The following PKIB variants were observed in gnomAD, a reference collection of about 807,000 sequenced individuals.
The protein encoded by PKIB is cAMP-dependent protein kinase inhibitor beta.
Under a neutral mutation model 4.5 loss-of-function variants are expected in PKIB, and 2 were observed. The observed-to-expected ratio is 0.44, with a 90% CI of 0.18 to 1.39. The LOEUF (loss-of-function observed/expected upper bound fraction) is 1.39, where lower values mean the gene tolerates loss of function less well. PKIB is among the 40% of genes most tolerant of loss of function. The pLI is 0.27. For synonymous variants in PKIB, 38 were observed against 36.0 expected (o/e 1.06, Z -0.20); for missense variants, 94 against 92.6 (o/e 1.02, Z -0.06).
At chr6:122,630,064 T>A (rs1376116305) in intron 1 of PKIB, among the ~76,000 whole-genome samples, 1 of 152,160 alleles carries the variant, frequency 6.6e-6, no homozygotes, top group East Asian at 1.9e-4. Flanking sequence ...TATGGAACAG[T>A]ATAAGAACTT....
chr6:122,713,477 C>A (rs1021424601), intron 3 of PKIB, among the ~76,000 whole-genome samples: 1 of 152,142 alleles, frequency 6.6e-6, no homozygotes, highest in African/African-American at 2.4e-5. Flanking sequence ...TTATAATTAT[C>A]ACAAGCCATT....
intron 2 of PKIB, among the ~76,000 whole-genome samples, chr6:122,517,536 C>T (rs904717723): frequency 6.6e-6 from 1 of 152,176 alleles, no homozygotes. Context: ...TGGTCTTTCT[C>T]ATAATTATTC....
intron 1 of PKIB, among the ~76,000 whole-genome samples, chr6:122,472,723 C>G (rs560632042): frequency 6.6e-6 from 1 of 152,318 alleles, no homozygotes; most frequent in African/African-American, 2.4e-5. Flanking sequence ...ATCCCTACTC[C>G]TAGTTATTGT....
At chr6:122,685,756 AT>A (rs1778068922) in intron 3 of PKIB, among the ~76,000 whole-genome samples, 1 of 151,858 alleles carries the variant, frequency 6.6e-6, no homozygotes, top group South Asian at 2.1e-4. Context: ...TTCTTTCTAT[AT>A]TTTTTTGTAC....
intron 3 of PKIB, among the ~76,000 whole-genome samples, chr6:122,675,808 G>A (rs778868706): frequency 1.4e-4 from 22 of 151,974 alleles, no homozygotes; most frequent in Admixed American, 4.6e-4. Context: ...AAAAAATTAT[G>A]TTTTTTTCCC....
intron 3 of PKIB, among the ~76,000 whole-genome samples, chr6:122,588,666 T>G (rs1022443673): frequency 5.9e-5 from 9 of 152,184 alleles, no homozygotes; most frequent in Non-Finnish European, 1.3e-4. Flanking sequence ...AATATCTGTT[T>G]ACACATTGCT....
rs1223105325 is a variant in PKIB at position 122,597,370 on chromosome 6, G to T, written c.-161+11363G>T. Among the ~76,000 whole-genome samples the T allele has an allele frequency of 2.0e-5, 3 of 152,232 alleles. No individual in the cohort carries two copies. In the East Asian group the frequency reaches 5.8e-4, roughly 29 times the overall value. On this transcript the variant is annotated intron_variant, in intron 3 of 6. Coordinates refer to the PKIB transcript ENST00000392491. ...AGCTGAAGGCAAATCACTTCTGTTGGACCTTATGGACAGGAATGGAGAAAA... is the reference window on the plus strand; with the variant it reads ...AGCTGAAGGCAAATCACTTCTGTTGTACCTTATGGACAGGAATGGAGAAAA...
chr6:122,671,020 G>A (rs916893515), intron 2 of PKIB, among the ~76,000 whole-genome samples: 2 of 152,158 alleles, frequency 1.3e-5, no homozygotes, highest in Non-Finnish European at 2.9e-5. Flanking sequence ...GAGGCCAGGC[G>A]CGGTGGCTCA....
chr6:122,582,582 G>C (rs951748362), intron 2 of PKIB, among the ~76,000 whole-genome samples: 5 of 152,068 alleles, frequency 3.3e-5, no homozygotes, highest in Non-Finnish European at 5.9e-5. Context: ...TTATCTGATG[G>C]AGGGGCTAGA....
intron 2 of PKIB, among the ~76,000 whole-genome samples, chr6:122,539,620 A>G (rs1214263713): frequency 6.6e-6 from 1 of 152,062 alleles, no homozygotes; most frequent in Non-Finnish European, 1.5e-5. Context: ...AATGTTCATC[A>G]AGGATATTGG....
chr6:122,628,621 G>C (rs926610127), intron 1 of PKIB, among the ~76,000 whole-genome samples: 11 of 152,130 alleles, frequency 7.2e-5, no homozygotes, highest in Non-Finnish European at 1.5e-4. Context: ...ATAAATGTTA[G>C]CTACAATTTC....
At chr6:122,706,495 T>C in intron 3 of PKIB, among the ~76,000 whole-genome samples, 1 of 152,188 alleles carries the variant, frequency 6.6e-6, no homozygotes, top group East Asian at 1.9e-4. Context: ...CAATAATTGA[T>C]TGAATGAGGA....
At chr6:122,695,804 A>G (rs1281987894) in intron 3 of PKIB, among the ~76,000 whole-genome samples, 1 of 152,094 alleles carries the variant, frequency 6.6e-6, no homozygotes, top group Non-Finnish European at 1.5e-5. Context: ...TTAATATCTA[A>G]AAGACTCTAT....
At chr6:122,699,540 G>A (rs1416236480) in intron 3 of PKIB, among the ~76,000 whole-genome samples, 1 of 152,106 alleles carries the variant, frequency 6.6e-6, no homozygotes, top group Non-Finnish European at 1.5e-5. Context: ...TTAAGGACAG[G>A]CCAAACAGGC....
rs148466901 is a variant in PKIB, at chr6:122,552,861, G to C, written c.-247-33060G>C. On this transcript the variant is annotated intron_variant, in intron 2 of 6. Coordinates refer to the PKIB transcript ENST00000392491. ...AACAAGGTCTGGATCTCAGTCTTTA[G>C]GGCTAGTGGTGGGGTTGGGTGGAGA... 2.3e-3 allele frequency among the ~76,000 whole-genome samples: 356 copies of C among 152,298 alleles called. 7 individuals carry two copies. Among genetic ancestry groups the C allele is most frequent in the Non-Finnish European group, 7.6e-4 (52 of 68,030 alleles).
chr6:122,626,954 G>T (rs1459510892), intron 1 of PKIB, among the ~76,000 whole-genome samples: 1 of 151,838 alleles, frequency 6.6e-6, no homozygotes, highest in South Asian at 2.1e-4. Flanking sequence ...AATCATCTCG[G>T]CCGGGCGCGG....
chr6:122,624,502 T>C (rs904939729), intron 1 of PKIB, among the ~76,000 whole-genome samples: 3 of 152,172 alleles, frequency 2.0e-5, no homozygotes, highest in African/African-American at 7.2e-5. Flanking sequence ...TTAGAGGTAA[T>C]GAACACGTCT....
intron 3 of PKIB, among the ~76,000 whole-genome samples, chr6:122,588,926 A>G (rs996253275): frequency 1.3e-5 from 2 of 152,154 alleles, no homozygotes; most frequent in Non-Finnish European, 2.9e-5. Flanking sequence ...TTTGATTCCC[A>G]CTGCAATGTG....
intron 3 of PKIB, among the ~76,000 whole-genome samples, chr6:122,602,411 T>C (rs1440271872): frequency 6.6e-6 from 1 of 152,226 alleles, no homozygotes; most frequent in African/African-American, 2.4e-5. Flanking sequence ...AATCATAAGA[T>C]GCATCTTAGC....
Sources: gnomAD v4.1 joint callset for allele counts (sites outside exome capture counted in the v4.1 genomes callset) on GRCh38, gnomAD v4.1.1 for gene constraint, MANE v1.5 for transcripts, NCBI Gene and HGNC (gene_info 2026-07-23, HGNC 2026-07-21) for gene names.